The following CNTNAP5 variants were observed in gnomAD, a reference collection of about 807,000 sequenced individuals.
CNTNAP5 encodes contactin associated protein family member 5, also known as contactin-associated protein-like 5.
CNTNAP5 carries 72 observed loss-of-function variants against 150.2 expected under a neutral mutation model. The observed-to-expected ratio is 0.48, with a 90% CI of 0.40 to 0.58. The LOEUF is 0.58. Among genes scored for constraint, CNTNAP5 ranks in the 20% least tolerant of loss-of-function variants. The pLI, the probability that CNTNAP5 is intolerant of heterozygous loss-of-function variation, is 0.00. For synonymous variants in CNTNAP5, 672 were observed against 619.8 expected (o/e 1.08, Z -1.25); for missense variants, 1,636 against 1,626.2 (o/e 1.01, Z -0.10).
chr2:124,038,973 G>A (rs1270822765), intron 1 of CNTNAP5, among the ~76,000 whole-genome samples: 1 of 152,140 alleles, frequency 6.6e-6, no homozygotes, highest in East Asian at 1.9e-4. Flanking sequence ...TGTCCAGGCT[G>A]GGAAATACTT....
At chr2:124,487,083 A>G (rs1693898226) in intron 7 of CNTNAP5, among the ~76,000 whole-genome samples, 1 of 152,174 alleles carries the variant, frequency 6.6e-6, no homozygotes, top group Admixed American at 6.6e-5. Flanking sequence ...CTCTAACAGT[A>G]CATCCACCCA....
intron 1 of CNTNAP5, among the ~76,000 whole-genome samples, chr2:124,216,491 A>G (rs1209412489): frequency 6.6e-6 from 1 of 151,976 alleles, no homozygotes; most frequent in Non-Finnish European, 1.5e-5. Flanking sequence ...TGCACCCATT[A>G]ACTCGTCATT....
At chr2:124,309,834 G>A (rs73952939) in intron 3 of CNTNAP5, among the ~76,000 whole-genome samples, 1,799 of 152,252 alleles carry the variant, frequency 0.012, 39 homozygotes, top group African/African-American at 0.041. Flanking sequence ...ACAAAATATC[G>A]TCTCCACAAG....
intron 12 of CNTNAP5, 141 bp from the exon 13 acceptor site, chr2:124,647,617 A>G (rs1361303225): frequency 1.5e-6 from 1 of 683,892 alleles, no homozygotes; most frequent in African/African-American, 1.8e-5. Context: ...ATGGGGAAAC[A>G]CAATTTCTCT....
chr2:124,196,581 A>G (rs1437567186), intron 1 of CNTNAP5, among the ~76,000 whole-genome samples: 4 of 152,204 alleles, frequency 2.6e-5, no homozygotes, highest in Non-Finnish European at 5.9e-5. Flanking sequence ...CTACAAAAGT[A>G]TAACGTATCA....
At chr2:124,529,916 C>T (rs62172619) in intron 10 of CNTNAP5, among the ~76,000 whole-genome samples, 28,011 of 152,064 alleles carry the variant, frequency 0.18, 3,091 homozygotes, top group Non-Finnish European at 0.24. Context: ...AGTGGGATCC[C>T]GCCCTGCCAG....
intron 13 of CNTNAP5, among the ~76,000 whole-genome samples, chr2:124,650,714 C>T (rs541998073): frequency 5.3e-5 from 8 of 152,274 alleles, no homozygotes; most frequent in African/African-American, 1.9e-4. Context: ...CTGTATTTGT[C>T]ACACACAGGA....
At chr2:124,054,641 A>G (rs1372480188) in intron 1 of CNTNAP5, among the ~76,000 whole-genome samples, 1 of 152,210 alleles carries the variant, frequency 6.6e-6, no homozygotes, top group African/African-American at 2.4e-5. Flanking sequence ...TCAAATCCCA[A>G]GTTTACTATA....
At chr2:124,307,788 A>G (rs996196614) in intron 3 of CNTNAP5, among the ~76,000 whole-genome samples, 1 of 152,140 alleles carries the variant, frequency 6.6e-6, no homozygotes, top group African/African-American at 2.4e-5. Context: ...TAGCAACCAG[A>G]TTATGTAGTT....
chr2:124,702,074 T>C (rs1449937173), intron 13 of CNTNAP5, among the ~76,000 whole-genome samples: 2 of 152,066 alleles, frequency 1.3e-5, no homozygotes, highest in African/African-American at 4.8e-5. Context: ...CTTCAACTTT[T>C]CTGAGTATTT....
chr2:124,673,776 A>G (rs529978160), intron 13 of CNTNAP5, among the ~76,000 whole-genome samples: 44 of 152,050 alleles, frequency 2.9e-4, no homozygotes, highest in African/African-American at 9.4e-4. Context: ...AAAAAAAAAA[A>G]AGAGATCCTC....
chr2:124,482,808 G>A (rs561505004), intron 7 of CNTNAP5, among the ~76,000 whole-genome samples: 1 of 152,288 alleles, frequency 6.6e-6, no homozygotes, highest in East Asian at 1.9e-4. Context: ...AGAAGGAGGC[G>A]AATGCTGCAA....
rs1449064817 is a variant in CNTNAP5 at position 124,915,713 on chromosome 2, C to T, written c.*1425C>T. Among the ~76,000 whole-genome samples the T allele has an allele frequency of 1.3e-5, 2 of 152,002 alleles. No homozygotes were observed. The highest frequency in any genetic ancestry group is 2.9e-5 in the Non-Finnish European group (2 of 67,972). The stretch of plus-strand genomic sequence containing the variant: ...GTCTTTGTCCCTTTTGGTAACAAAG[C>T]ATTGAAAACAGTCATTCCTTCAAGA... On this transcript the variant is annotated 3_prime_UTR_variant, in exon 24 of 24. Coordinates refer to ENST00000682447, the MANE Select transcript of CNTNAP5 (RefSeq NM_001367498.1).
At chr2:124,427,183 G>A (rs1170456584) in intron 4 of CNTNAP5, among the ~76,000 whole-genome samples, 1 of 152,046 alleles carries the variant, frequency 6.6e-6, no homozygotes, top group African/African-American at 2.4e-5. Flanking sequence ...CAGATAACAG[G>A]TATTAATATG....
chr2:124,097,502 C>G lies in CNTNAP5; in HGVS notation c.82+71770C>G, dbSNP rs116783423. Among the ~76,000 whole-genome samples, 1,162 of 152,306 alleles carry G rather than the reference C, an allele frequency of 7.6e-3. 8 individuals carry two copies. Among genetic ancestry groups the G allele is most frequent in the African/African-American group, 0.026 (1,084 of 41,576 alleles). On this transcript the variant is annotated intron_variant, in intron 1 of 23. Coordinates refer to ENST00000682447, the MANE Select transcript of CNTNAP5 (RefSeq NM_001367498.1). Reference sequence around the variant, plus strand: ...ACAAATCTTTTCCTCTCCCATTCCCCTCGCCACTCTCACCTTGGAACCAAG... The same window carrying G: ...ACAAATCTTTTCCTCTCCCATTCCCGTCGCCACTCTCACCTTGGAACCAAG...
intron 19 of CNTNAP5, among the ~76,000 whole-genome samples, chr2:124,849,181 C>T (rs1683106828): frequency 6.6e-6 from 1 of 152,054 alleles, no homozygotes; most frequent in Non-Finnish European, 1.5e-5. Flanking sequence ...CAACTTAATA[C>T]ATGTGTATGT....
intron 1 of CNTNAP5, among the ~76,000 whole-genome samples, chr2:124,046,809 A>G (rs76820360): frequency 0.087 from 13,299 of 152,256 alleles, 652 homozygotes; most frequent in Non-Finnish European, 0.12. Context: ...ACATGCCTCA[A>G]CATCCCCTGA....
chr2:124,791,207 G>C (rs1410573736), intron 18 of CNTNAP5, among the ~76,000 whole-genome samples: 2 of 152,158 alleles, frequency 1.3e-5, no homozygotes, highest in Admixed American at 1.3e-4. Flanking sequence ...AGCACTCACT[G>C]TTTTATTTGA....
intron 1 of CNTNAP5, among the ~76,000 whole-genome samples, chr2:124,073,227 T>A (rs960117506): frequency 2.0e-5 from 3 of 152,024 alleles, no homozygotes; most frequent in African/African-American, 4.8e-5. Flanking sequence ...AATTAAAGCC[T>A]TAACTTAAAG....
Sources: gnomAD v4.1 joint callset for allele counts (sites outside exome capture counted in the v4.1 genomes callset) on GRCh38, gnomAD v4.1.1 for gene constraint, MANE v1.5 for transcripts, NCBI Gene and HGNC (gene_info 2026-07-23, HGNC 2026-07-21) for gene names.